NR2C2: variants seen among roughly 807,000 people sequenced by gnomAD.
NR2C2 encodes the protein Nuclear hormone receptor TR4.
A neutral mutation model predicts 62.9 loss-of-function variants in NR2C2; 6 were observed. That is an observed-to-expected ratio of 0.10 (90% CI 0.05 to 0.19). The LOEUF (loss-of-function observed/expected upper bound fraction) is 0.19. NR2C2 is among the 10% of genes least tolerant of loss of function. The pLI is 1.00. For missense variants in NR2C2, 479 were observed against 762.7 expected, an observed-to-expected ratio of 0.63 and a Z score of 4.38; for synonymous variants, 272 against 273.8, an observed-to-expected ratio of 0.99 and a Z score of 0.07.
chr3:15,033,815 A>G (rs976708380), intron 10 of NR2C2, among the ~76,000 whole-genome samples: 3 of 152,078 alleles, frequency 2.0e-5, no homozygotes, highest in African/African-American at 7.2e-5. Context: ...TCCGGGCTAG[A>G]TAAAATGTGC....
intron 2 of NR2C2, among the ~76,000 whole-genome samples, chr3:15,008,337 C>G (rs1033241018): frequency 2.6e-5 from 4 of 151,316 alleles, no homozygotes; most frequent in African/African-American, 9.7e-5. Flanking sequence ...GCCTGGGCAA[C>G]CTAGTGAGAC....
At chr3:14,981,302 A>G (rs1474378963) in intron 1 of NR2C2, among the ~76,000 whole-genome samples, 2 of 152,098 alleles carry the variant, frequency 1.3e-5, no homozygotes, top group Non-Finnish European at 2.9e-5. Flanking sequence ...CCTTGTCTCT[A>G]TGAAAATATT....
chr3:14,966,804 T>G (rs980104406), intron 1 of NR2C2, among the ~76,000 whole-genome samples: 1 of 152,214 alleles, frequency 6.6e-6, no homozygotes, highest in African/African-American at 2.4e-5. Flanking sequence ...AATTTAGTAA[T>G]TCAGAGAGAC....
chr3:14,949,727 A>G (rs1417624549), intron 1 of NR2C2, among the ~76,000 whole-genome samples: 4 of 152,226 alleles, frequency 2.6e-5, no homozygotes, highest in African/African-American at 9.6e-5. Flanking sequence ...ACAAAAAAGT[A>G]AGACACTGGT....
chr3:14,963,040 C>A (rs1308713433), intron 1 of NR2C2, among the ~76,000 whole-genome samples: 1 of 152,100 alleles, frequency 6.6e-6, no homozygotes, highest in Non-Finnish European at 1.5e-5. Context: ...GGTGGATCTT[C>A]CATTATGAGT....
At chr3:15,026,008 C>CTTTTCT (rs749521979) in intron 7 of NR2C2, 2 of 151,452 alleles carry the variant, frequency 1.3e-5, no homozygotes, top group Non-Finnish European at 2.9e-5. Flanking sequence ...CTCTGGCTTT[C>CTTTTCT]TTTTCTTTTT....
intron 1 of NR2C2, among the ~76,000 whole-genome samples, chr3:14,993,385 C>T (rs1559551213): frequency 6.7e-6 from 1 of 150,272 alleles, no homozygotes; most frequent in Non-Finnish European, 1.5e-5. Flanking sequence ...ACCTGGGAGG[C>T]GGAGGTTACA....
At chr3:15,014,852 C>G (rs1395581907) in intron 3 of NR2C2, among the ~76,000 whole-genome samples, 1 of 152,212 alleles carries the variant, frequency 6.6e-6, no homozygotes, top group Non-Finnish European at 1.5e-5. Context: ...CATTTTATCT[C>G]TTCATCTGTT....
In NR2C2 at chr3:14,960,505, C is replaced by T. The variant is rs758905295; in HGVS notation, c.-40+12599C>T. Among the ~76,000 whole-genome samples, 106 of 152,100 alleles carry T rather than the reference C, an allele frequency of 7.0e-4. 1 individual carries two copies. Among genetic ancestry groups the T allele is most frequent in the Non-Finnish European group, 2.2e-4 (15 of 67,998 alleles). ...AAATCAGATTGTCATCTATAAAATC[C>T]ACTTTTACTCATAATTTGATGTATC... is the stretch of plus-strand genomic sequence containing the variant. On this transcript the variant is annotated intron_variant, in intron 1 of 13. Transcript: ENST00000425241.
chr3:15,027,623 G>A (rs1212006374), intron 7 of NR2C2, among the ~76,000 whole-genome samples: 3 of 152,030 alleles, frequency 2.0e-5, no homozygotes, highest in South Asian at 2.1e-4. Context: ...ATTGAGACAG[G>A]GTCTCACTCT....
At chr3:14,982,055 T>G (rs1305579007) in intron 1 of NR2C2, among the ~76,000 whole-genome samples, 1 of 152,114 alleles carries the variant, frequency 6.6e-6, no homozygotes, top group Non-Finnish European at 1.5e-5. Context: ...AATAATACTT[T>G]ACATCCTTCA....
intron 1 of NR2C2, among the ~76,000 whole-genome samples, chr3:14,976,600 T>TC (rs1243559638): frequency 6.9e-6 from 1 of 144,104 alleles, no homozygotes; most frequent in Non-Finnish European, 1.5e-5. Flanking sequence ...CTTCCTTCCT[T>TC]CCTTTTTTTT....
chr3:14,980,317 TAA>T (rs748246980), intron 1 of NR2C2, among the ~76,000 whole-genome samples: 9 of 136,190 alleles, frequency 6.6e-5, no homozygotes, highest in African/African-American at 1.1e-4. Flanking sequence ...CCCAGCTAAT[TAA>T]AAAAAAAAAA....
chr3:14,973,764 TCTC>T (rs1010425723), intron 1 of NR2C2, among the ~76,000 whole-genome samples: 11 of 152,200 alleles, frequency 7.2e-5, no homozygotes, highest in Non-Finnish European at 1.6e-4. Context: ...TCTGGCTCTC[TCTC>T]CTTTTTTTTT....
At chr3:15,032,588 A>G in intron 10 of NR2C2, 88 bp downstream of exon 10, 2 of 1,515,906 alleles carry the variant, frequency 1.3e-6, no homozygotes, top group Non-Finnish European at 9.1e-7. Flanking sequence ...GGGCCTGTCT[A>G]GTTTGACTGT....
intron 1 of NR2C2, among the ~76,000 whole-genome samples, chr3:14,969,888 T>C (rs145633495): frequency 2.0e-4 from 30 of 152,186 alleles, no homozygotes; most frequent in Non-Finnish European, 4.4e-5. Context: ...AACATAGAGC[T>C]CTCCCAGTTG....
At chr3:15,019,698 A>G (rs995408777) in intron 4 of NR2C2, among the ~76,000 whole-genome samples, 3 of 151,158 alleles carry the variant, frequency 2.0e-5, no homozygotes, top group African/African-American at 7.3e-5. Flanking sequence ...GGAATCCTTA[A>G]AAAAAAAAAT....
Position 15,009,908 on chromosome 3 carries a change from G to C in NR2C2, c.73-3681G>C, listed in dbSNP as rs150454283. On this transcript the variant is annotated intron_variant, in intron 2 of 13. Coordinates refer to ENST00000425241, the MANE Select transcript of NR2C2 (RefSeq NM_001291694.2). ...TGGCATTCCTCGCTTGCTTGCAGCT[G>C]CATCACTCCAATCTCTGCCTCCATT... is the stretch of plus-strand genomic sequence containing the variant. Among the ~76,000 whole-genome samples the C allele has an allele frequency of 4.5e-3, 683 of 152,250 alleles. 4 individuals carry two copies. The highest frequency in any genetic ancestry group is 0.015 in the African/African-American group (640 of 41,536).
chr3:14,989,924 CAAAAAAAAAAAAAAA>C (rs34980642), intron 1 of NR2C2, among the ~76,000 whole-genome samples: 3 of 51,024 alleles, frequency 5.9e-5, no homozygotes, highest in South Asian at 8.5e-4. Flanking sequence ...GACTCCATCT[CAAAAAAAAAAAAAAA>C]AAAAAAAAAA....
Sources: allele counts gnomAD v4.1 joint callset (sites outside exome capture counted in the v4.1 genomes callset), GRCh38; gene constraint gnomAD v4.1.1; transcripts MANE v1.5; gene names NCBI Gene and HGNC (gene_info 2026-07-23, HGNC 2026-07-21).